The following BMAL2 variants were observed in gnomAD, a reference collection of about 807,000 sequenced individuals.
BMAL2 encodes basic helix-loop-helix ARNT like 2.
At chr12:27,418,348 C>A in the BMAL2 span, 1 of 544,584 alleles carries the variant, frequency 1.8e-6, no homozygotes, top group East Asian at 3.1e-5. Context: ...CACCTGTAAT[C>A]CCAGCACTTT....
the BMAL2 span, among the ~76,000 whole-genome samples, chr12:27,405,843 GA>G: frequency 2.0e-4 from 30 of 151,210 alleles, no homozygotes; most frequent in African/African-American, 6.3e-4. Flanking sequence ...TAAAAACCTT[GA>G]AAAAAAAATT....
chr12:27,385,373 A>G, the BMAL2 span: 13 of 626,854 alleles, frequency 2.1e-5, no homozygotes, highest in South Asian at 2.3e-4. Flanking sequence ...AAAATGTCTT[A>G]GAATGTGCCA....
the BMAL2 span, among the ~76,000 whole-genome samples, chr12:27,354,595 C>G: frequency 2.6e-5 from 4 of 152,090 alleles, no homozygotes; most frequent in Non-Finnish European, 4.4e-5. Flanking sequence ...AAACCCAAAA[C>G]ACAGTCAACA....
At chr12:27,421,972 AC>A in the BMAL2 span, 2 of 152,242 alleles carry the variant, frequency 1.3e-5, no homozygotes, top group Admixed American at 1.3e-4. Flanking sequence ...AAACAAAATG[AC>A]AAGTACATGT....
chr12:27,401,203 CT>C, the BMAL2 span: 3 of 1,374,820 alleles, frequency 2.2e-6, no homozygotes, highest in Non-Finnish European at 3.1e-6. Flanking sequence ...CTACAGTCTT[CT>C]GGGAGGGAGT....
At chr12:27,336,985 C>T in the BMAL2 span, among the ~76,000 whole-genome samples, 32,898 of 149,770 alleles carry the variant, frequency 0.22, 3,984 homozygotes, top group East Asian at 0.4. Flanking sequence ...TTTAAACTTC[C>T]TTAAAACTTC....
chr12:27,403,919 T>C, the BMAL2 span, among the ~76,000 whole-genome samples: 3 of 151,480 alleles, frequency 2.0e-5, no homozygotes, highest in East Asian at 5.8e-4. Flanking sequence ...TCCTAGCACT[T>C]GGGGAGGCCG....
chr12:27,386,333 G>C, the BMAL2 span, among the ~76,000 whole-genome samples: 4 of 152,122 alleles, frequency 2.6e-5, no homozygotes, highest in Admixed American at 2.6e-4. Context: ...ATGGAACCCT[G>C]CTTCTGCCCT....
the BMAL2 span, chr12:27,415,740 A>C: frequency 4.4e-6 from 3 of 674,170 alleles, no homozygotes; most frequent in Admixed American, 3.1e-5. Context: ...CTAATTGTGA[A>C]ACCTGCTATG....
the BMAL2 span, among the ~76,000 whole-genome samples, chr12:27,379,553 G>A: frequency 6.6e-6 from 1 of 152,178 alleles, no homozygotes; most frequent in Admixed American, 6.5e-5. Context: ...AGGCAGAGAG[G>A]CTGTGGAGAC....
chr12:27,370,038 C>T, the BMAL2 span: 2 of 888,738 alleles, frequency 2.3e-6, no homozygotes, highest in Non-Finnish European at 3.7e-6. Context: ...TAGCTGGACA[C>T]AGTAGGCTAC....
At chr12:27,358,146 A>T in the BMAL2 span, among the ~76,000 whole-genome samples, 1 of 152,238 alleles carries the variant, frequency 6.6e-6, no homozygotes, top group African/African-American at 2.4e-5. Flanking sequence ...TTCGCTATCT[A>T]TACATCTGAC....
the BMAL2 span, among the ~76,000 whole-genome samples, chr12:27,354,375 C>G: frequency 4.6e-5 from 7 of 152,058 alleles, no homozygotes; most frequent in Non-Finnish European, 1.0e-4. Context: ...ACTGAGTACA[C>G]ATGGACACAA....
the BMAL2 span, chr12:27,389,770 CAATT>C: frequency 7.8e-5 from 16 of 205,644 alleles, no homozygotes; most frequent in Middle Eastern, 3.7e-3. Context: ...AAATATAAAA[CAATT>C]GATTCCTGTA....
chr12:27,349,920 G>A, the BMAL2 span, among the ~76,000 whole-genome samples: 2 of 152,308 alleles, frequency 1.3e-5, no homozygotes, highest in African/African-American at 2.4e-5. Context: ...TCCATGGTCA[G>A]CAGAGGTGGC....
the BMAL2 span, among the ~76,000 whole-genome samples, chr12:27,396,995 G>A: frequency 5.3e-5 from 8 of 152,250 alleles, no homozygotes; most frequent in Middle Eastern, 6.8e-3. Flanking sequence ...TCATATGGTC[G>A]TTTTGAAATT....
chr12:27,423,213 G>A, the BMAL2 span: 4 of 150,722 alleles, frequency 2.7e-5, no homozygotes, highest in Non-Finnish European at 4.4e-5. Flanking sequence ...TATACACTAT[G>A]TTCCTTTTTT....
At chr12:27,332,958 C>A in the BMAL2 span, 1 of 832,656 alleles carries the variant, frequency 1.2e-6, no homozygotes, top group Non-Finnish European at 1.5e-6. Flanking sequence ...CGGCAGGGCC[C>A]GCCAGTCCCC....
chr12:27,420,516 T>G, the BMAL2 span: 2 of 1,595,630 alleles, frequency 1.3e-6, no homozygotes, highest in African/African-American at 1.4e-5. Context: ...TTCAGTGACA[T>G]CCAGTGGACC....
Sources: allele counts gnomAD v4.1 joint callset (sites outside exome capture counted in the v4.1 genomes callset), GRCh38; gene constraint gnomAD v4.1.1; transcripts MANE v1.5; gene names NCBI Gene and HGNC (gene_info 2026-07-23, HGNC 2026-07-21).